PPP2R3A: variants seen among roughly 807,000 people sequenced by gnomAD.
PPP2R3A encodes protein phosphatase 2 regulatory subunit B''alpha, also known as serine/threonine-protein phosphatase 2A regulatory subunit B'' subunit alpha.
PPP2R3A carries 80 observed loss-of-function variants against 106.9 expected under a neutral mutation model. That is an observed-to-expected ratio of 0.75 (90% CI 0.62 to 0.90). The LOEUF is 0.90. PPP2R3A is among the 40% of genes least tolerant of loss of function. PPP2R3A has a pLI of 0.00. For missense variants in PPP2R3A, 1,386 were observed against 1,350.4 expected (o/e 1.03, Z -0.41); for synonymous variants, 483 against 468.3 (o/e 1.03, Z -0.41).
intron 10 of PPP2R3A, 109 bp from the exon 11 acceptor site, chr3:136,101,898 G>C: frequency 8.5e-7 from 1 of 1,170,942 alleles, no homozygotes; most frequent in South Asian, 1.8e-5. Flanking sequence ...CTATATCTAA[G>C]CCTGAAGTGT....
At chr3:136,076,823 T>G (rs1337332968) in intron 6 of PPP2R3A, among the ~76,000 whole-genome samples, 1 of 152,028 alleles carries the variant, frequency 6.6e-6, no homozygotes, top group Admixed American at 6.5e-5. Flanking sequence ...GGCGGGCACC[T>G]GTAGTGCCAG....
At chr3:136,126,106 A>G (rs1938170229) in intron 13 of PPP2R3A, among the ~76,000 whole-genome samples, 3 of 152,310 alleles carry the variant, frequency 2.0e-5, no homozygotes, top group East Asian at 1.9e-4. Context: ...CGCATTTCCA[A>G]CTGAGGTACT....
At chr3:136,079,147 CAG>C (rs761593039) in intron 7 of PPP2R3A, 1 of 453,462 alleles carries the variant, frequency 2.2e-6, no homozygotes. Context: ...TCATCTGAGA[CAG>C]AGTAATGAAG....
In PPP2R3A at chr3:136,057,988, A is replaced by T. The variant is rs563662349; in HGVS notation, c.2469+8627A>T. On this transcript the variant is annotated intron_variant, in intron 5 of 13. Transcript: ENST00000264977. ...AATGAAATCAGTATGTTGAAGAAAT[A>T]TCTACACTGCCAGGTTCATTGCAGC... is the stretch of plus-strand genomic sequence containing the variant. 3.9e-5 allele frequency among the ~76,000 whole-genome samples: 6 copies of T among 152,332 alleles called. No homozygotes were observed. The East Asian group carries it at 1.2e-3, about 29-fold the overall frequency.
At chr3:136,128,285 C>A (rs1177786180) in intron 13 of PPP2R3A, among the ~76,000 whole-genome samples, 1 of 148,920 alleles carries the variant, frequency 6.7e-6, no homozygotes. Context: ...TGTGCAAAGA[C>A]ACACATAGGC....
chr3:135,995,299 A>AT (rs879756680), intron 1 of PPP2R3A, among the ~76,000 whole-genome samples: 3 of 152,002 alleles, frequency 2.0e-5, no homozygotes, highest in Non-Finnish European at 4.4e-5. Context: ...TAGACTGAAA[A>AT]TTTTTCTCAT....
At chr3:136,051,532 G>C (rs979026614) in intron 5 of PPP2R3A, among the ~76,000 whole-genome samples, 1 of 152,076 alleles carries the variant, frequency 6.6e-6, no homozygotes, top group African/African-American at 2.4e-5. Flanking sequence ...GTTTCACCAT[G>C]TTGGCCAGGT....
intron 2 of PPP2R3A, among the ~76,000 whole-genome samples, chr3:136,009,203 C>T (rs1933957927): frequency 6.6e-6 from 1 of 152,110 alleles, no homozygotes; most frequent in African/African-American, 2.4e-5. Context: ...TGGCTCTATT[C>T]TTTCTCATTC....
At chr3:136,035,457 A>T (rs1460450552) in intron 3 of PPP2R3A, among the ~76,000 whole-genome samples, 2 of 152,124 alleles carry the variant, frequency 1.3e-5, no homozygotes, top group African/African-American at 4.8e-5. Context: ...TGTTTTTCGG[A>T]AAAAGACTAT....
chr3:136,057,084 AC>A (rs1194416289), intron 5 of PPP2R3A, among the ~76,000 whole-genome samples: 1 of 148,296 alleles, frequency 6.7e-6, no homozygotes, highest in East Asian at 1.9e-4. Flanking sequence ...CCCCACACAC[AC>A]CGTTGGTGGG....
intron 13 of PPP2R3A, among the ~76,000 whole-genome samples, chr3:136,132,271 A>G (rs1488120495): frequency 6.6e-6 from 1 of 152,186 alleles, no homozygotes; most frequent in East Asian, 1.9e-4. Context: ...TAGCCAGGGC[A>G]GTAAGGCAAG....
At chr3:136,141,219 T>TA (rs1471634954) in intron 13 of PPP2R3A, among the ~76,000 whole-genome samples, 1 of 152,126 alleles carries the variant, frequency 6.6e-6, no homozygotes, top group East Asian at 1.9e-4. Flanking sequence ...AGGGAAGAAT[T>TA]TTCTGAGTAG....
chr3:136,015,191 G>T (rs1322624393), intron 2 of PPP2R3A, among the ~76,000 whole-genome samples: 1 of 152,066 alleles, frequency 6.6e-6, no homozygotes, highest in African/African-American at 2.4e-5. Flanking sequence ...GATCATGGTG[G>T]ATTATCTTTT....
chr3:136,078,321 A>T, intron 6 of PPP2R3A, 46 bp from the exon 7 acceptor site: 1 of 1,313,110 alleles, frequency 7.6e-7, no homozygotes, highest in South Asian at 1.2e-5. Context: ...AAAGTAGTGG[A>T]GATCTTTAAT....
intron 3 of PPP2R3A, among the ~76,000 whole-genome samples, chr3:136,027,353 A>G (rs1263560146): frequency 2.0e-5 from 3 of 152,140 alleles, no homozygotes; most frequent in Non-Finnish European, 4.4e-5. Flanking sequence ...TAGAAGCTCT[A>G]CCTTGCCAGG....
At chr3:136,018,845 T>C (rs1934367781) in intron 2 of PPP2R3A, among the ~76,000 whole-genome samples, 1 of 152,216 alleles carries the variant, frequency 6.6e-6, no homozygotes, top group South Asian at 2.1e-4. Context: ...CCCAGCAGCC[T>C]ATCCTACCCG....
At position 136,023,535 on chromosome 3, in the gene PPP2R3A, A is replaced by G. The variant is rs1026042449; in HGVS notation, c.1996-3297A>G. 3.9e-5 allele frequency among the ~76,000 whole-genome samples: 6 copies of G among 152,176 alleles called. No individual in the cohort carries two copies. The South Asian group carries it at 1.2e-3, about 31-fold the overall frequency. ...AGGTAGAAAATTACCAGAATTTTTC[A>G]TAGAAATATCCTTGAGAAACTAGAA... On this transcript the variant is annotated intron_variant, in intron 2 of 13. Coordinates refer to ENST00000264977, the MANE Select transcript of PPP2R3A (RefSeq NM_002718.5).
At chr3:136,127,724 G>T (rs951748150) in intron 13 of PPP2R3A, among the ~76,000 whole-genome samples, 3 of 152,102 alleles carry the variant, frequency 2.0e-5, no homozygotes, top group Non-Finnish European at 2.9e-5. Context: ...GATTCACCAA[G>T]GTTGAAATGA....
chr3:136,068,350 G>A (rs1385231570), intron 5 of PPP2R3A, among the ~76,000 whole-genome samples: 2 of 151,018 alleles, frequency 1.3e-5, no homozygotes, highest in African/African-American at 2.4e-5. Flanking sequence ...ATGAGTCTGC[G>A]CTGTTAAAAA....
Sources: allele counts gnomAD v4.1 joint callset (sites outside exome capture counted in the v4.1 genomes callset), GRCh38; gene constraint gnomAD v4.1.1; transcripts MANE v1.5; gene names NCBI Gene and HGNC (gene_info 2026-07-23, HGNC 2026-07-21).